The following VWA3B variants were observed in gnomAD, a reference collection of about 807,000 sequenced individuals.
VWA3B encodes the protein von Willebrand factor A domain containing 3B, also known as von Willebrand factor A domain-containing protein 3B.
A neutral mutation model predicts 158.3 loss-of-function variants in VWA3B; 138 were observed. The ratio of observed to expected loss-of-function variants is 0.87; its 90% CI spans 0.76 to 1.00. The LOEUF is 1.00. Among genes scored for constraint, VWA3B ranks in the 50% least tolerant of loss-of-function variants. The pLI is 0.00. For synonymous variants in VWA3B, 596 were observed against 587.3 expected (o/e 1.01, Z -0.21); for missense variants, 1,555 against 1,565.1 (o/e 0.99, Z 0.11).
At position 98,275,891 on chromosome 2, in the gene VWA3B, G is replaced by A. The variant is rs529852423; in HGVS notation, c.3045+5008G>A. Among the ~76,000 whole-genome samples, 3 of 152,332 alleles carry A rather than the reference G, an allele frequency of 2.0e-5. No individual in the cohort carries two copies. In the East Asian group the frequency reaches 5.8e-4, roughly 29 times the overall value. On this transcript the variant is annotated intron_variant, in intron 22 of 27. Coordinates refer to ENST00000477737, the MANE Select transcript of VWA3B (RefSeq NM_144992.5). ...GGAGGAAGTTAGTATAAGAAGTGAA[G>A]ACTTTTTCTTCCAGATCTTCACTGG...
chr2:98,242,643 C>T (rs539898681), intron 19 of VWA3B, among the ~76,000 whole-genome samples: 1 of 150,122 alleles, frequency 6.7e-6, no homozygotes, highest in Non-Finnish European at 1.5e-5. Context: ...GCCAGATAGC[C>T]TGGATTGGTG....
chr2:98,290,740 A>C, intron 23 of VWA3B, 118 bp downstream of exon 23: 1 of 715,320 alleles, frequency 1.4e-6, no homozygotes, highest in Non-Finnish European at 2.3e-6. Flanking sequence ...GGCCTGAGCT[A>C]GTCCACTTTT....
At chr2:98,236,254 C>G (rs888684455) in intron 17 of VWA3B, 136 bp from the exon 18 acceptor site, 4 of 975,726 alleles carry the variant, frequency 4.1e-6, no homozygotes, top group Non-Finnish European at 6.2e-6. Flanking sequence ...TCTGACAAAT[C>G]AGGATATGTT....
chr2:98,107,283 G>A (rs1469807571), intron 2 of VWA3B, among the ~76,000 whole-genome samples: 1 of 152,016 alleles, frequency 6.6e-6, no homozygotes, highest in Non-Finnish European at 1.5e-5. Flanking sequence ...AAGAATATTG[G>A]TCTGCAGTTT....
At chr2:98,139,748 CA>C (rs1676605117) in intron 7 of VWA3B, among the ~76,000 whole-genome samples, 1 of 152,106 alleles carries the variant, frequency 6.6e-6, no homozygotes, top group Non-Finnish European at 1.5e-5. Context: ...AGCGCCCTGT[CA>C]AAACAGACCA....
intron 7 of VWA3B, among the ~76,000 whole-genome samples, chr2:98,149,127 A>G (rs1475366058): frequency 6.6e-6 from 1 of 152,234 alleles, no homozygotes; most frequent in Non-Finnish European, 1.5e-5. Flanking sequence ...TAATTTGGTT[A>G]GCTCCAGTGA....
Position 98,133,938 on chromosome 2 carries a change from AG to A in VWA3B, c.988+1del, listed in dbSNP as rs532133745. 3.7e-5 allele frequency: 60 copies of A among 1,613,680 alleles called. No individual in the cohort carries two copies. The highest frequency in any genetic ancestry group is 4.9e-5 in the Non-Finnish European group (58 of 1,179,664). ...SRKLKGKLPPGAGVREDVFLV... is the reference protein window; with the variant it reads ...SRKLKGKLPPXAGVREDVFLV... Reference sequence around the variant, plus strand: ...GGAAACTGAAAGGAAAACTCCCTCCAGGTACCTGGAATCCAAAAGAAGTGGT... The same window carrying A: ...GGAAACTGAAAGGAAAACTCCCTCCAGTACCTGGAATCCAAAAGAAGTGGT... On this transcript the variant is annotated frameshift_variant and splice_region_variant, in exon 7 of 28. Coordinates refer to ENST00000477737, the MANE Select transcript of VWA3B (RefSeq NM_144992.5). LOFTEE classifies it high-confidence loss of function.
intron 2 of VWA3B, among the ~76,000 whole-genome samples, chr2:98,115,285 G>A (rs973288603): frequency 2.0e-5 from 3 of 151,992 alleles, no homozygotes; most frequent in Non-Finnish European, 4.4e-5. Context: ...CACACACCAG[G>A]GCCTGTCGTG....
At chr2:98,182,628 T>C (rs1680688319) in intron 9 of VWA3B, among the ~76,000 whole-genome samples, 1 of 152,128 alleles carries the variant, frequency 6.6e-6, no homozygotes, top group African/African-American at 2.4e-5. Flanking sequence ...AAATTTTCAT[T>C]TTAAAAATAG....
At chr2:98,235,168 C>T (rs4494805) in intron 17 of VWA3B, among the ~76,000 whole-genome samples, 122,605 of 152,152 alleles carry the variant, frequency 0.81, 49,718 homozygotes, top group South Asian at 0.9. Context: ...ATGTGATTTT[C>T]CCACTCAATT....
rs2106034323 is a variant in VWA3B at position 98,312,829 on chromosome 2, T to C, written c.*480T>C. On this transcript the variant is annotated 3_prime_UTR_variant, in exon 28 of 28. Transcript: ENST00000477737. ...AGACTGAACATCCCCTACTGTATAG[T>C]TTCCTGACATTTTCATTTAGCCTTT... 6.5e-6 allele frequency: 1 copy of C among 153,938 alleles called. No homozygotes were observed. The highest frequency in any genetic ancestry group is 1.4e-5 in the Non-Finnish European group (1 of 69,204). 9.5% of individuals were successfully genotyped at this position (153,938 alleles called of 1,614,324 possible).
chr2:98,203,715 T>C (rs1328036088), intron 12 of VWA3B, among the ~76,000 whole-genome samples: 1 of 152,240 alleles, frequency 6.6e-6, no homozygotes, highest in African/African-American at 2.4e-5. Context: ...TATTTTGGTT[T>C]TCACCTATTT....
chr2:98,130,938 G>C (rs1306690637), intron 6 of VWA3B, among the ~76,000 whole-genome samples: 1 of 152,180 alleles, frequency 6.6e-6, no homozygotes, highest in East Asian at 1.9e-4. Flanking sequence ...AACATCTTAA[G>C]TCCCCTCTTC....
chr2:98,157,139 T>C (rs1298353119), intron 7 of VWA3B, among the ~76,000 whole-genome samples: 2 of 152,196 alleles, frequency 1.3e-5, no homozygotes, highest in East Asian at 3.8e-4. Flanking sequence ...CAGAGGACGG[T>C]GCCACATTCA....
At chr2:98,204,074 C>T (rs535572404) in intron 12 of VWA3B, among the ~76,000 whole-genome samples, 105 of 152,256 alleles carry the variant, frequency 6.9e-4, no homozygotes, top group Middle Eastern at 3.4e-3. Context: ...CCATTTTATA[C>T]GATACTTGAG....
chr2:98,300,251 C>G, intron 25 of VWA3B, 35 bp downstream of exon 25: 1 of 1,612,896 alleles, frequency 6.2e-7, no homozygotes. Context: ...GGACTTTCTC[C>G]TGGGCAATGC....
chr2:98,160,297 GCTTT>G (rs768495821), intron 7 of VWA3B, among the ~76,000 whole-genome samples: 22 of 152,180 alleles, frequency 1.4e-4, no homozygotes, highest in Non-Finnish European at 2.5e-4. Context: ...CTGTTCTGTA[GCTTT>G]CTTTTTCACT....
rs1256127869 is a variant in VWA3B, at chr2:98,250,307, T to C, written c.2674-11T>C. The C allele has an allele frequency of 3.1e-6, 5 of 1,604,648 alleles. No homozygotes were observed. Among genetic ancestry groups the C allele is most frequent in the Middle Eastern group, 1.7e-4 (1 of 6,028 alleles). Reference sequence around the variant, plus strand: ...AGTGACACTTTCCTTTCCTTTGCCATTGACATGCAGGTGTTCCCTCTGGCA... The same window carrying C: ...AGTGACACTTTCCTTTCCTTTGCCACTGACATGCAGGTGTTCCCTCTGGCA... On this transcript the variant is annotated splice_polypyrimidine_tract_variant and intron_variant, in intron 19 of 27. Transcript: ENST00000477737.
chr2:98,236,482 G>A lies in VWA3B; in HGVS notation c.2516+5G>A. On this transcript the variant is annotated splice_donor_5th_base_variant and intron_variant, in intron 18 of 27. Transcript: ENST00000477737. ...AAGCCAGGTTTATGACCACGAGTGA[G>A]TTCTTTAATTTGACAAAGACAGTTC... is the stretch of plus-strand genomic sequence containing the variant. 1 of 1,614,224 alleles carries A rather than the reference G, an allele frequency of 6.2e-7. No individual in the cohort carries two copies. Among genetic ancestry groups the A allele is most frequent in the Non-Finnish European group, 8.5e-7 (1 of 1,180,028 alleles).
Sources: gnomAD v4.1 joint callset for allele counts (sites outside exome capture counted in the v4.1 genomes callset) on GRCh38, gnomAD v4.1.1 for gene constraint, MANE v1.5 for transcripts, NCBI Gene and HGNC (gene_info 2026-07-23, HGNC 2026-07-21) for gene names.